Variants in GAS7 observed in about 807,000 individuals in gnomAD.
GAS7 encodes growth arrest specific 7.
GAS7 carries 28 observed loss-of-function variants against 71.1 expected under a neutral mutation model. That is an observed-to-expected ratio of 0.39 (90% CI 0.29 to 0.54). The LOEUF is 0.54. Among genes scored for constraint, GAS7 ranks in the 20% least tolerant of loss-of-function variants. The probability of loss-of-function intolerance (pLI) is 0.62; values close to 1 mark genes in which losing one functional copy is unlikely to be tolerated. For synonymous variants in GAS7, 258 were observed against 245.8 expected (o/e 1.05, Z -0.46); for missense variants, 436 against 627.8 (o/e 0.69, Z 3.27).
At chr17:10,035,258 G>A (rs1047886331) in intron 1 of GAS7, among the ~76,000 whole-genome samples, 2 of 152,130 alleles carry the variant, frequency 1.3e-5, no homozygotes, top group African/African-American at 4.8e-5. Context: ...ACCTTGGTCA[G>A]AACTTGAGTG....
chr17:10,043,331 G>A (rs1401346910), intron 1 of GAS7, among the ~76,000 whole-genome samples: 1 of 152,156 alleles, frequency 6.6e-6, no homozygotes, highest in Admixed American at 6.5e-5. Context: ...TGAACGATGT[G>A]AGTTCTGAGA....
chr17:9,929,684 A>G (rs1285156214), intron 9 of GAS7, among the ~76,000 whole-genome samples: 1 of 151,992 alleles, frequency 6.6e-6, no homozygotes, highest in African/African-American at 2.4e-5. Context: ...TCACCATGTT[A>G]GCCAGGATGG....
rs1218368978 is a variant in GAS7 at position 9,969,187 on chromosome 17, A to C, written c.471+490T>G. Among the ~76,000 whole-genome samples, 1 of 152,198 alleles carries C rather than the reference A, an allele frequency of 6.6e-6. No individual in the cohort carries two copies. Among genetic ancestry groups the C allele is most frequent in the Non-Finnish European group, 1.5e-5 (1 of 68,040 alleles). ...AACATCAAGTAGGATGGAGACTGAG[A>C]AAACAGTTTGGAAATCGTACAACAT... On this transcript the variant is annotated intron_variant, in intron 4 of 13. Transcript: ENST00000432992. This position sits in a 1 kb window ranked among gnomAD's most constrained non-coding sequence, Gnocchi z 5.5.
chr17:9,919,706 C>A lies in GAS7; in HGVS notation c.1139-1G>T. 6.2e-7 allele frequency: 1 copy of A among 1,610,860 alleles called. No individual in the cohort carries two copies. The highest frequency in any genetic ancestry group is 8.5e-7 in the Non-Finnish European group (1 of 1,177,048). ...TCCACACAGCGCATGAGGTCGTCTCCTGGAAAAAGACCACAGTCACCATCA... is the reference window on the plus strand; with the variant it reads ...TCCACACAGCGCATGAGGTCGTCTCATGGAAAAAGACCACAGTCACCATCA... On this transcript the variant is annotated splice_acceptor_variant, in intron 11 of 13. Transcript: ENST00000432992. LOFTEE classifies it high-confidence loss of function. The surrounding 1 kb of genome is among the most constrained non-coding windows in gnomAD (Gnocchi z 5.0).
intron 6 of GAS7, among the ~76,000 whole-genome samples, chr17:9,943,478 C>T (rs915610014): frequency 2.6e-5 from 4 of 152,202 alleles, no homozygotes; most frequent in African/African-American, 9.6e-5. Flanking sequence ...CCCCTTAACT[C>T]TCCCAACCTG....
At chr17:10,089,372 G>A (rs900203352) in intron 1 of GAS7, among the ~76,000 whole-genome samples, 2 of 152,126 alleles carry the variant, frequency 1.3e-5, no homozygotes, top group Non-Finnish European at 2.9e-5. Flanking sequence ...GAGCTTTGCA[G>A]CCAGCACCAA....
intron 5 of GAS7, among the ~76,000 whole-genome samples, chr17:9,950,467 A>G (rs1377837335): frequency 6.6e-6 from 1 of 152,154 alleles, no homozygotes. Flanking sequence ...AGCTATGATT[A>G]TATCACTGCA....
intron 4 of GAS7, among the ~76,000 whole-genome samples, chr17:9,963,813 A>C (rs1311042265): frequency 6.6e-6 from 1 of 152,148 alleles, no homozygotes; most frequent in East Asian, 1.9e-4. Flanking sequence ...GCATTATTGA[A>C]TTAATGTTTT....
chr17:9,950,982 G>A (rs1442642833), intron 5 of GAS7, among the ~76,000 whole-genome samples: 1 of 152,194 alleles, frequency 6.6e-6, no homozygotes, highest in African/African-American at 2.4e-5. Flanking sequence ...AGCAGCCTCA[G>A]TGAGAGAAGG....
intron 9 of GAS7, among the ~76,000 whole-genome samples, chr17:9,928,172 A>G (rs141553378): frequency 0.039 from 5,928 of 151,506 alleles, 303 homozygotes; most frequent in African/African-American, 0.098. Flanking sequence ...GAGTGCAGCG[A>G]CGCGATCTCG....
At chr17:9,966,607 C>T (rs2069725615) in intron 4 of GAS7, among the ~76,000 whole-genome samples, 1 of 152,180 alleles carries the variant, frequency 6.6e-6, no homozygotes, top group Non-Finnish European at 1.5e-5. Context: ...TGGTAGAGCT[C>T]TCTGTAAACA....
Position 9,959,696 on chromosome 17 carries a change from T to G in GAS7, c.472-441A>C, listed in dbSNP as rs146951290. ...ACATTTTATTCTGAAACCCCCCGGG[T>G]CCAAAACGTCAAACCTAAATACACA... On this transcript the variant is annotated intron_variant, in intron 4 of 13. Coordinates refer to ENST00000432992, the MANE Select transcript of GAS7 (RefSeq NM_201433.2). This position sits in a 1 kb window ranked among gnomAD's most constrained non-coding sequence, Gnocchi z 5.0. 6.6e-6 allele frequency among the ~76,000 whole-genome samples: 1 copy of G among 152,086 alleles called. No homozygotes were observed. Among genetic ancestry groups the G allele is most frequent in the African/African-American group, 2.4e-5 (1 of 41,484 alleles).
At chr17:10,037,320 T>C (rs2072772802) in intron 1 of GAS7, among the ~76,000 whole-genome samples, 1 of 152,212 alleles carries the variant, frequency 6.6e-6, no homozygotes, top group Admixed American at 6.5e-5. Context: ...CCTTCATGAA[T>C]ATATCCTATC....
Position 9,974,381 on chromosome 17 carries a change from T to C in GAS7, c.386-4619A>G, listed in dbSNP as rs1180687312. Among the ~76,000 whole-genome samples the C allele has an allele frequency of 1.3e-5, 2 of 152,046 alleles. No homozygotes were observed. Among genetic ancestry groups the C allele is most frequent in the African/African-American group, 4.8e-5 (2 of 41,396 alleles). ...ATTCCCTGTCCTGGGGGCTCCCGGC[T>C]CACCCAGGGTCAGCCACAAAACAAA... On this transcript the variant is annotated intron_variant, in intron 3 of 13. Coordinates refer to ENST00000432992, the MANE Select transcript of GAS7 (RefSeq NM_201433.2). The surrounding 1 kb of genome is among the most constrained non-coding windows in gnomAD (Gnocchi z 4.0).
intron 2 of GAS7, 125 bp downstream of exon 2, chr17:10,019,651 CT>C: frequency 1.1e-6 from 1 of 916,996 alleles, no homozygotes. Flanking sequence ...ACTGTAGCCC[CT>C]GAGCATAGAC....
At chr17:10,144,693 A>G (rs1241197100) in intron 1 of GAS7, among the ~76,000 whole-genome samples, 3 of 151,938 alleles carry the variant, frequency 2.0e-5, no homozygotes, top group Admixed American at 6.5e-5. Flanking sequence ...ACAGGCATGC[A>G]CCAGCATGCC....
chr17:10,139,821 C>T (rs773691959), intron 1 of GAS7, among the ~76,000 whole-genome samples: 1 of 152,230 alleles, frequency 6.6e-6, no homozygotes, highest in South Asian at 2.1e-4. Context: ...GCTGACTTGC[C>T]TCACTGGCAT....
chr17:10,148,947 C>CA, intron 1 of GAS7, among the ~76,000 whole-genome samples: 1 of 147,796 alleles, frequency 6.8e-6, no homozygotes, highest in Non-Finnish European at 1.5e-5. Context: ...TTGAACAGAA[C>CA]GGTATCAGGT....
chr17:10,181,086 GCA>G (rs1280375842), intron 1 of GAS7, among the ~76,000 whole-genome samples: 19 of 139,844 alleles, frequency 1.4e-4, no homozygotes, highest in South Asian at 5.1e-4. Context: ...GGCGGTGGGG[GCA>G]CGGTGGCTCA....
Sources: gnomAD v4.1 joint callset for allele counts (sites outside exome capture counted in the v4.1 genomes callset) on GRCh38, gnomAD v4.1.1 for gene constraint, Gnocchi (gnomAD v3.1) non-coding constraint, MANE v1.5 for transcripts, NCBI Gene and HGNC (gene_info 2026-07-23, HGNC 2026-07-21) for gene names.